Variants in THSD7B observed in about 807,000 individuals in gnomAD.
THSD7B encodes the protein thrombospondin type-1 domain-containing protein 7B.
A neutral mutation model predicts 213.6 loss-of-function variants in THSD7B; 138 were observed. The ratio of observed to expected loss-of-function variants is 0.65; its 90% CI spans 0.56 to 0.74. The LOEUF (loss-of-function observed/expected upper bound fraction) is 0.74, where lower values mean the gene tolerates loss of function less well. Ranked by LOEUF, THSD7B falls within the 30% of genes least tolerant of loss-of-function variation. The pLI, the probability that THSD7B is intolerant of heterozygous loss-of-function variation, is 0.00. For synonymous variants in THSD7B, 742 were observed against 687.0 expected (o/e 1.08, Z -1.25); for missense variants, 1,931 against 1,991.5 (o/e 0.97, Z 0.58).
At chr2:137,209,366 A>G (rs983279001) in intron 7 of THSD7B, among the ~76,000 whole-genome samples, 1 of 152,066 alleles carries the variant, frequency 6.6e-6, no homozygotes, top group Non-Finnish European at 1.5e-5. Context: ...TCCCCATTAA[A>G]AAATGGGTGG....
intron 2 of THSD7B, among the ~76,000 whole-genome samples, chr2:137,006,493 G>C (rs192690173): frequency 6.6e-6 from 1 of 152,202 alleles, no homozygotes; most frequent in Admixed American, 6.5e-5. Context: ...ACATGGCCTG[G>C]AATTTATGTA....
intron 12 of THSD7B, among the ~76,000 whole-genome samples, chr2:137,383,200 T>C (rs1050682119): frequency 1.3e-5 from 2 of 152,138 alleles, no homozygotes; most frequent in African/African-American, 4.8e-5. Context: ...ATGGGACAAA[T>C]GGTAACCTGT....
At chr2:137,013,464 T>C (rs1686276371) in intron 2 of THSD7B, among the ~76,000 whole-genome samples, 1 of 151,956 alleles carries the variant, frequency 6.6e-6, no homozygotes, top group Non-Finnish European at 1.5e-5. Context: ...TAGGATAGGG[T>C]ACAAGAAAGG....
intron 14 of THSD7B, among the ~76,000 whole-genome samples, chr2:137,446,001 G>A (rs57131503): frequency 0.14 from 21,117 of 151,136 alleles, 2,283 homozygotes; most frequent in African/African-American, 0.3. Context: ...GATTCTCCCG[G>A]ATCTTAGCTT....
intron 2 of THSD7B, among the ~76,000 whole-genome samples, chr2:137,040,329 A>G (rs1558896556): frequency 6.6e-6 from 1 of 151,864 alleles, no homozygotes. Flanking sequence ...TGGAAGCTAG[A>G]GGAAACTAGC....
chr2:137,160,150 G>A, intron 5 of THSD7B, 63 bp from the exon 6 acceptor site: 1 of 1,511,688 alleles, frequency 6.6e-7, no homozygotes, highest in Non-Finnish European at 8.9e-7. Context: ...GCAAATAAAG[G>A]CAGAAGCAAT....
At chr2:137,076,093 A>G (rs1472271604) in intron 3 of THSD7B, among the ~76,000 whole-genome samples, 1 of 152,152 alleles carries the variant, frequency 6.6e-6, no homozygotes, top group Non-Finnish European at 1.5e-5. Context: ...TGCTGGGAGA[A>G]CCACTGCTCT....
At chr2:137,153,574 C>A (rs561818225) in intron 5 of THSD7B, among the ~76,000 whole-genome samples, 1 of 152,202 alleles carries the variant, frequency 6.6e-6, no homozygotes, top group Non-Finnish European at 1.5e-5. Flanking sequence ...AGATTTTATT[C>A]TATTTACTAA....
intron 2 of THSD7B, among the ~76,000 whole-genome samples, chr2:137,037,853 G>T (rs537842670): frequency 6.6e-6 from 1 of 152,148 alleles, no homozygotes; most frequent in African/African-American, 2.4e-5. Flanking sequence ...TAACTTTTAT[G>T]GACATTAAGG....
At chr2:137,645,789 A>G (rs1489738577) in intron 21 of THSD7B, among the ~76,000 whole-genome samples, 3 of 152,184 alleles carry the variant, frequency 2.0e-5, no homozygotes, top group Non-Finnish European at 4.4e-5. Flanking sequence ...GCTTCTTTCC[A>G]GGTACACAAA....
At chr2:136,915,399 G>A (rs1684333196) in intron 2 of THSD7B, among the ~76,000 whole-genome samples, 1 of 152,148 alleles carries the variant, frequency 6.6e-6, no homozygotes, top group Non-Finnish European at 1.5e-5. Context: ...TCCTGTGATA[G>A]TGGCAGGCAA....
At chr2:137,205,836 T>G (rs1243880084) in intron 7 of THSD7B, among the ~76,000 whole-genome samples, 1 of 152,054 alleles carries the variant, frequency 6.6e-6, no homozygotes, top group Non-Finnish European at 1.5e-5. Context: ...TACAGCAGTT[T>G]GCATTAATTC....
chr2:136,913,739 A>C (rs1684306393), intron 2 of THSD7B, among the ~76,000 whole-genome samples: 1 of 152,254 alleles, frequency 6.6e-6, no homozygotes, highest in South Asian at 2.1e-4. Flanking sequence ...TCAGAAGTCA[A>C]GAATTAAGGT....
intron 7 of THSD7B, among the ~76,000 whole-genome samples, chr2:137,191,659 G>T (rs1036117758): frequency 6.6e-6 from 1 of 151,908 alleles, no homozygotes; most frequent in African/African-American, 2.4e-5. Flanking sequence ...CCACCGTCCT[G>T]CACTCAGTCA....
chr2:137,183,748 C>A (rs1416527626), intron 7 of THSD7B, among the ~76,000 whole-genome samples: 1 of 151,854 alleles, frequency 6.6e-6, no homozygotes, highest in Non-Finnish European at 1.5e-5. Flanking sequence ...AAACAAGGGA[C>A]CTAGGTATTG....
At chr2:137,629,190 A>G (rs955361045) in intron 20 of THSD7B, among the ~76,000 whole-genome samples, 12 of 152,212 alleles carry the variant, frequency 7.9e-5, no homozygotes, top group Non-Finnish European at 1.8e-4. Context: ...AAAGGCAGCC[A>G]ATCCCAAGAA....
chr2:136,855,584 T>A (rs1173698997), intron 1 of THSD7B, among the ~76,000 whole-genome samples: 2 of 94,762 alleles, frequency 2.1e-5, no homozygotes, highest in Non-Finnish European at 4.3e-5. Flanking sequence ...TGCCACCGCA[T>A]CCGGCTATTA....
At chr2:137,582,207 C>T (rs1305932737) in intron 17 of THSD7B, among the ~76,000 whole-genome samples, 2 of 151,974 alleles carry the variant, frequency 1.3e-5, no homozygotes, top group Non-Finnish European at 1.5e-5. Flanking sequence ...ATGTTTCTCT[C>T]TCATCTCTGT....
intron 16 of THSD7B, among the ~76,000 whole-genome samples, chr2:137,569,320 T>C (rs1207560591): frequency 6.6e-6 from 1 of 152,240 alleles, no homozygotes; most frequent in Non-Finnish European, 1.5e-5. Flanking sequence ...TTTAAGCCAC[T>C]AACTTTGTGG....
Sources: allele counts gnomAD v4.1 joint callset (sites outside exome capture counted in the v4.1 genomes callset), GRCh38; gene constraint gnomAD v4.1.1; transcripts MANE v1.5; gene names NCBI Gene and HGNC (gene_info 2026-07-23, HGNC 2026-07-21).